The following SNX29 variants were observed in gnomAD, a reference collection of about 807,000 sequenced individuals.
SNX29 encodes the protein sorting nexin 29.
A neutral mutation model predicts 102.1 loss-of-function variants in SNX29; 78 were observed. That is an observed-to-expected ratio of 0.76 (90% CI 0.64 to 0.92). The LOEUF is 0.92. Ranked by LOEUF, SNX29 falls within the 40% of genes least tolerant of loss-of-function variation. The probability of loss-of-function intolerance (pLI) is 0.00; values close to 1 mark genes in which losing one functional copy is unlikely to be tolerated. For synonymous variants in SNX29, 580 were observed against 414.5 expected, an observed-to-expected ratio of 1.40 and a Z score of -4.85; for missense variants, 1,280 against 1,061.7, an observed-to-expected ratio of 1.21 and a Z score of -2.86.
chr16:11,996,074 AAG>A (rs1280514426), intron 1 of SNX29, among the ~76,000 whole-genome samples: 3 of 151,118 alleles, frequency 2.0e-5, no homozygotes, highest in Admixed American at 1.3e-4. Context: ...AAAAAAAAAA[AAG>A]AGTTAGGCCC....
At chr16:12,537,572 C>G (rs971964145) in intron 20 of SNX29, among the ~76,000 whole-genome samples, 4 of 152,156 alleles carry the variant, frequency 2.6e-5, no homozygotes, top group African/African-American at 7.2e-5. Context: ...GCAATTTTGA[C>G]TTTGTTTTTA....
At chr16:12,148,032 T>C (rs570937145) in intron 13 of SNX29, among the ~76,000 whole-genome samples, 1 of 152,196 alleles carries the variant, frequency 6.6e-6, no homozygotes, top group Non-Finnish European at 1.5e-5. Context: ...TTCGTACTGG[T>C]GCCAAACATA....
intron 17 of SNX29, among the ~76,000 whole-genome samples, chr16:12,400,095 C>T (rs140046818): frequency 4.3e-4 from 65 of 152,264 alleles, no homozygotes; most frequent in African/African-American, 9.1e-4. Context: ...TGTCTCTCCC[C>T]AGAGATTTGG....
intron 20 of SNX29, among the ~76,000 whole-genome samples, chr16:12,528,559 C>G (rs1453378844): frequency 1.3e-5 from 2 of 152,206 alleles, no homozygotes; most frequent in Admixed American, 6.5e-5. Context: ...CTCTCCCACA[C>G]TTGGATGCCC....
At chr16:12,286,909 T>G (rs2079616361) in intron 15 of SNX29, among the ~76,000 whole-genome samples, 1 of 152,156 alleles carries the variant, frequency 6.6e-6, no homozygotes, top group Non-Finnish European at 1.5e-5. Context: ...AACCCCACAT[T>G]ACTGCAATAC....
At chr16:12,260,953 G>T in intron 14 of SNX29, among the ~76,000 whole-genome samples, 1 of 149,670 alleles carries the variant, frequency 6.7e-6, no homozygotes, top group East Asian at 2.0e-4. Context: ...GTGAGTATTT[G>T]CTGAGCTCGG....
At chr16:12,441,655 T>C (rs537080301) in intron 18 of SNX29, among the ~76,000 whole-genome samples, 2 of 152,370 alleles carry the variant, frequency 1.3e-5, no homozygotes, top group Non-Finnish European at 2.9e-5. Flanking sequence ...GTTTTTTCTT[T>C]TGTTGCTTGT....
intron 11 of SNX29, among the ~76,000 whole-genome samples, chr16:12,120,482 T>A (rs2053926483): frequency 6.6e-6 from 1 of 152,254 alleles, no homozygotes. Context: ...TCTTCCCTTT[T>A]TAATTTTGAA....
chr16:12,162,169 G>A (rs969048280), intron 13 of SNX29, among the ~76,000 whole-genome samples: 3 of 152,010 alleles, frequency 2.0e-5, no homozygotes, highest in Non-Finnish European at 2.9e-5. Flanking sequence ...CTCCCTTCTT[G>A]AACACTCTTC....
At chr16:12,489,731 C>T (rs952149928) in intron 19 of SNX29, among the ~76,000 whole-genome samples, 2 of 152,206 alleles carry the variant, frequency 1.3e-5, no homozygotes, top group African/African-American at 2.4e-5. Context: ...CCCACATAGG[C>T]ATGCTTGCTT....
At chr16:12,495,027 A>G (rs1202811901) in intron 19 of SNX29, among the ~76,000 whole-genome samples, 1 of 152,174 alleles carries the variant, frequency 6.6e-6, no homozygotes, top group African/African-American at 2.4e-5. Context: ...GCCTCACCTC[A>G]TGTGACCCCT....
At chr16:12,085,727 C>T (rs1003349146) in intron 11 of SNX29, among the ~76,000 whole-genome samples, 1 of 152,108 alleles carries the variant, frequency 6.6e-6, no homozygotes, top group Admixed American at 6.6e-5. Context: ...ACAGTATATT[C>T]TGGTAAAACT....
chr16:12,201,435 T>C (rs1395629623), intron 14 of SNX29, among the ~76,000 whole-genome samples: 1 of 152,224 alleles, frequency 6.6e-6, no homozygotes, highest in Non-Finnish European at 1.5e-5. Context: ...TCAGTAACCT[T>C]GTGATGAGTA....
intron 19 of SNX29, among the ~76,000 whole-genome samples, chr16:12,523,923 G>A (rs1397417790): frequency 6.6e-6 from 1 of 152,144 alleles, no homozygotes; most frequent in Non-Finnish European, 1.5e-5. Context: ...TTTCGCTCTT[G>A]TTGCCCGGGC....
At chr16:12,329,372 A>T (rs1320610913) in intron 15 of SNX29, among the ~76,000 whole-genome samples, 1 of 151,640 alleles carries the variant, frequency 6.6e-6, no homozygotes, top group Non-Finnish European at 1.5e-5. Context: ...TGGGATGGAT[A>T]CTGGGTTGCT....
At chr16:12,101,296 C>T (rs942172792) in intron 11 of SNX29, among the ~76,000 whole-genome samples, 2 of 78,158 alleles carry the variant, frequency 2.6e-5, no homozygotes, top group African/African-American at 8.6e-5. Context: ...TGTGGCCCCC[C>T]CCAACTTTTT....
At chr16:12,517,593 C>T (rs1471798760) in intron 19 of SNX29, among the ~76,000 whole-genome samples, 1 of 152,196 alleles carries the variant, frequency 6.6e-6, no homozygotes, top group Non-Finnish European at 1.5e-5. Context: ...TTTGTTCTCT[C>T]AACAAATGTG....
chr16:12,163,221 G>T (rs1429538748), intron 13 of SNX29, among the ~76,000 whole-genome samples: 1 of 152,192 alleles, frequency 6.6e-6, no homozygotes, highest in Non-Finnish European at 1.5e-5. Flanking sequence ...GTCCTTTGCG[G>T]AGCCCCCAGG....
intron 10 of SNX29, among the ~76,000 whole-genome samples, chr16:12,074,063 C>T (rs2051427958): frequency 6.6e-6 from 1 of 151,852 alleles, no homozygotes; most frequent in Non-Finnish European, 1.5e-5. Context: ...CTATGTGTGT[C>T]TCTGCACGTG....
Sources: gnomAD v4.1 joint callset for allele counts (sites outside exome capture counted in the v4.1 genomes callset) on GRCh38, gnomAD v4.1.1 for gene constraint, MANE v1.5 for transcripts, NCBI Gene and HGNC (gene_info 2026-07-23, HGNC 2026-07-21) for gene names.